The following KLF6 variants were observed in gnomAD, a reference collection of about 807,000 sequenced individuals.
KLF6 encodes the protein Krueppel-like factor 6.
For synonymous variants in KLF6, 152 were observed against 147.9 expected (o/e 1.03, Z -0.20); for missense variants, 233 against 359.8 (o/e 0.65, Z 2.85).
At chr10:3,783,575 C>A (rs1588345312) in intron 1 of KLF6, among the ~76,000 whole-genome samples, 1 of 152,210 alleles carries the variant, frequency 6.6e-6, no homozygotes. Flanking sequence ...AGCAAGCACA[C>A]GGGAGAATCA....
chr10:3,781,505 T>C lies in KLF6; in HGVS notation c.676+136A>G. 1 of 1,552,380 alleles carries C rather than the reference T, an allele frequency of 6.4e-7. No individual in the cohort carries two copies. The highest frequency in any genetic ancestry group is 1.2e-5 in the South Asian group (1 of 84,410). ...ACTCCAAAAAGACCTAATGCTTTGG[T>C]GGAAAACATCTGAGGAAGTGAGGAT... On this transcript the variant is annotated intron_variant, in intron 2 of 3. Coordinates refer to ENST00000497571, the MANE Select transcript of KLF6 (RefSeq NM_001300.6). The surrounding 1 kb of genome is among the most constrained non-coding windows in gnomAD (Gnocchi z 5.8).
rs186409969 is a variant in KLF6 at position 3,780,159 on chromosome 10, C to T, written c.747G>A (p.Arg249=). 4.3e-5 allele frequency: 69 copies of T among 1,614,126 alleles called. 3 individuals carry two copies. In the Middle Eastern group the frequency reaches 8.2e-4, roughly 19 times the overall value. Residue 249 remains arginine, a synonymous_variant, in exon 3 of 4, where the codon AGG becomes AGA. Coordinates refer to ENST00000497571, the MANE Select transcript of KLF6 (RefSeq NM_001300.6). The surrounding 1 kb of genome is among the most constrained non-coding windows in gnomAD (Gnocchi z 4.6). ...TGGCCCCGGTGTGCTTTCGGAAGTG[C>T]CTGGTTAACTCATCACTTCTTGCAA... The part of the protein sequence containing the change: ...WRFARSDELT[R]HFRKHTGAKP...
At position 3,781,422 on chromosome 10, in the gene KLF6, T is replaced by G; in HGVS notation, c.676+219A>C. 6.6e-7 allele frequency: 1 copy of G among 1,508,326 alleles called. No individual in the cohort carries two copies. The highest frequency in any genetic ancestry group is 1.3e-5 in the South Asian group (1 of 79,408). 93.4% of individuals were successfully genotyped at this position (1,508,326 alleles called of 1,614,324 possible). A position where few individuals can be genotyped will look rare whatever the true frequency, so the allele number is the denominator to read the frequency against. ...GATCTAGTCTCTTGTTTGTTTAATC[T>G]GAAAATTGTTACACATTTATCCAAC... is the stretch of plus-strand genomic sequence containing the variant. On this transcript the variant is annotated intron_variant, in intron 2 of 3. Transcript: ENST00000497571. This position sits in a 1 kb window ranked among gnomAD's most constrained non-coding sequence, Gnocchi z 5.8.
Position 3,779,081 on chromosome 10 carries a change from C to A in KLF6, c.*458G>T, listed in dbSNP as rs1244037327. On this transcript the variant is annotated 3_prime_UTR_variant, in exon 4 of 4. Coordinates refer to ENST00000497571, the MANE Select transcript of KLF6 (RefSeq NM_001300.6). ...CTTTTTTTTTCTAAGGTGCAGACAC[C>A]CCCTCCCCCCAAGGAAATGATTGGT... 10 of 535,412 alleles carry A rather than the reference C, an allele frequency of 1.9e-5. No homozygotes were observed. Among genetic ancestry groups the A allele is most frequent in the South Asian group, 1.5e-5 (1 of 65,160 alleles). 33.2% of individuals were successfully genotyped at this position (535,412 alleles called of 1,614,324 possible).
chr10:3,785,036 C>A lies in KLF6; in HGVS notation c.-22G>T. The stretch of plus-strand genomic sequence containing the variant: ...CCATGTCGGGCCGGGTTGGACGGAG[C>A]CCGCGGTCGCGAGGGCGGCGAGGCG... On this transcript the variant is annotated 5_prime_UTR_variant, in exon 1 of 4. Coordinates refer to ENST00000497571, the MANE Select transcript of KLF6 (RefSeq NM_001300.6). The A allele has an allele frequency of 1.9e-6, 3 of 1,610,818 alleles. No homozygotes were observed. Among genetic ancestry groups the A allele is most frequent in the South Asian group, 2.2e-5 (2 of 90,876 alleles).
rs1255556895 is a variant in KLF6, at chr10:3,779,156, C to T, written c.*383G>A. 1.8e-6 allele frequency: 1 copy of T among 542,950 alleles called. No individual in the cohort carries two copies. Among genetic ancestry groups the T allele is most frequent in the East Asian group, 3.8e-5 (1 of 25,990 alleles). The allele number at this position is 542,950 out of a possible 1,614,324, so 33.6% of individuals were successfully genotyped here. A position where few individuals can be genotyped will look rare whatever the true frequency, so the allele number is the denominator to read the frequency against. ...CCTTACACACAAAACATTCAAACTA[C>T]TTTTTTTCCATCTCTTGCAGTCTTG... On this transcript the variant is annotated 3_prime_UTR_variant, in exon 4 of 4. Coordinates refer to ENST00000497571, the MANE Select transcript of KLF6 (RefSeq NM_001300.6).
chr10:3,781,583 G>A lies in KLF6; in HGVS notation c.676+58C>T. The A allele has an allele frequency of 6.2e-7, 1 of 1,600,920 alleles. No individual in the cohort carries two copies. The highest frequency in any genetic ancestry group is 8.5e-7 in the Non-Finnish European group (1 of 1,173,830). On this transcript the variant is annotated intron_variant, in intron 2 of 3. Coordinates refer to ENST00000497571, the MANE Select transcript of KLF6 (RefSeq NM_001300.6). This position sits in a 1 kb window ranked among gnomAD's most constrained non-coding sequence, Gnocchi z 5.8. ...GCCAGGCCCGGCTCCCTCCAGGGCT[G>A]GTGCAATGCAGTGGCGCCCACCAGC...
Position 3,782,474 on chromosome 10 carries a change from A to G in KLF6, c.103-260T>C, listed in dbSNP as rs536898030. Among the ~76,000 whole-genome samples, 55 of 152,248 alleles carry G rather than the reference A, an allele frequency of 3.6e-4. No homozygotes were observed. The highest frequency in any genetic ancestry group is 6.8e-4 in the Non-Finnish European group (46 of 68,048). ...TTCCCAATGTTGGGCCAAGGGCCAC[A>G]ATGAGTGATGATCACTAAGCCGGTT... On this transcript the variant is annotated intron_variant, in intron 1 of 3. Transcript: ENST00000497571. This position sits in a 1 kb window ranked among gnomAD's most constrained non-coding sequence, Gnocchi z 4.3.
chr10:3,778,860 C>T lies in KLF6; in HGVS notation c.*679G>A, dbSNP rs773694827. ...GGGTTACAAATGAGCTATGTTGTAG[C>T]GTGTAAAACAAGCTACTTGACACAT... On this transcript the variant is annotated 3_prime_UTR_variant, in exon 4 of 4. Coordinates refer to ENST00000497571, the MANE Select transcript of KLF6 (RefSeq NM_001300.6). 1.1e-5 allele frequency: 6 copies of T among 533,492 alleles called. No homozygotes were observed. The East Asian group carries it at 1.9e-4, about 17-fold the overall frequency. 33.0% of individuals were successfully genotyped at this position (533,492 alleles called of 1,614,324 possible).
rs542974540 is a variant in KLF6 at position 3,783,039 on chromosome 10, A to G, written c.103-825T>C. ...CCCTGCTGGGAGTCCCACAATGAAC[A>G]AGAACTTTATCTACTGGCCAAGAGT... On this transcript the variant is annotated intron_variant, in intron 1 of 3. Transcript: ENST00000497571. 3.3e-5 allele frequency among the ~76,000 whole-genome samples: 5 copies of G among 152,322 alleles called. No individual in the cohort carries two copies. In the South Asian group the frequency reaches 1.0e-3, roughly 32 times the overall value.
At position 3,780,726 on chromosome 10, in the gene KLF6, A is replaced by T. The variant is rs150165394; in HGVS notation, c.677-497T>A. 5.2e-5 allele frequency: 11 copies of T among 212,620 alleles called. No individual in the cohort carries two copies. Among genetic ancestry groups the T allele is most frequent in the Middle Eastern group, 4.0e-3 (2 of 498 alleles). The allele number at this position is 212,620 out of a possible 1,614,324, so 13.2% of individuals were successfully genotyped here. A position where few individuals can be genotyped will look rare whatever the true frequency, so the allele number is the denominator to read the frequency against. On this transcript the variant is annotated intron_variant, in intron 2 of 3. Coordinates refer to ENST00000497571, the MANE Select transcript of KLF6 (RefSeq NM_001300.6). This position sits in a 1 kb window ranked among gnomAD's most constrained non-coding sequence, Gnocchi z 4.6. ...GAAAGCCCCAGTACAGGGCCCCGGAATCATTCTCTAAATGGCAATTGAACA... is the reference window on the plus strand; with the variant it reads ...GAAAGCCCCAGTACAGGGCCCCGGATTCATTCTCTAAATGGCAATTGAACA...
rs545867453 is a variant in KLF6, at chr10:3,780,883, G to C, written c.677-654C>G. On this transcript the variant is annotated intron_variant, in intron 2 of 3. Transcript: ENST00000497571. This position sits in a 1 kb window ranked among gnomAD's most constrained non-coding sequence, Gnocchi z 4.6. ...CCTGGGCCTGGATATTGGGCCACCC[G>C]GATCTCAATCTCAGCTGTCACCAAG... The C allele has an allele frequency of 6.0e-6, 1 of 167,974 alleles. No individual in the cohort carries two copies. The highest frequency in any genetic ancestry group is 5.5e-5 in the Admixed American group (1 of 18,166). 10.4% of individuals were successfully genotyped at this position (167,974 alleles called of 1,614,324 possible).
At position 3,782,993 on chromosome 10, in the gene KLF6, C is replaced by A. The variant is rs1832565599; in HGVS notation, c.103-779G>T. On this transcript the variant is annotated intron_variant, in intron 1 of 3. Transcript: ENST00000497571. The surrounding 1 kb of genome is among the most constrained non-coding windows in gnomAD (Gnocchi z 4.3). Reference sequence around the variant, plus strand: ...TGGCCATCTGCTATTGTGAAGGGTGCAAGGGGAAATTACTCCACGGCCCTG... The same window carrying A: ...TGGCCATCTGCTATTGTGAAGGGTGAAAGGGGAAATTACTCCACGGCCCTG... 6.6e-6 allele frequency among the ~76,000 whole-genome samples: 1 copy of A among 152,196 alleles called. No individual in the cohort carries two copies. Among genetic ancestry groups the A allele is most frequent in the African/African-American group, 2.4e-5 (1 of 41,428 alleles).
Position 3,784,297 on chromosome 10 carries a change from G to A in KLF6, c.102+616C>T, listed in dbSNP as rs891920798. ...TCCAAACTAAGACTTGAAGCAGTTT[G>A]GACGGGCTCATTGTCACAAGACTGA... On this transcript the variant is annotated intron_variant, in intron 1 of 3. Transcript: ENST00000497571. Among the ~76,000 whole-genome samples, 12 of 152,292 alleles carry A rather than the reference G, an allele frequency of 7.9e-5. No individual in the cohort carries two copies. In the South Asian group the frequency reaches 2.5e-3, roughly 32 times the overall value.
At position 3,781,123 on chromosome 10, in the gene KLF6, T is replaced by C. The variant is rs186525702; in HGVS notation, c.676+518A>G. 4.6e-6 allele frequency: 1 copy of C among 215,944 alleles called. No homozygotes were observed. The highest frequency in any genetic ancestry group is 9.2e-6 in the Non-Finnish European group (1 of 109,050). The allele number at this position is 215,944 out of a possible 1,614,324, so 13.4% of individuals were successfully genotyped here. A position where few individuals can be genotyped will look rare whatever the true frequency, so the allele number is the denominator to read the frequency against. ...AGCGGTATCAGAAACAAAGGCTGCA[T>C]GAGACACGGAGAAGTTCTCAGGAAA... On this transcript the variant is annotated intron_variant, in intron 2 of 3. Coordinates refer to ENST00000497571, the MANE Select transcript of KLF6 (RefSeq NM_001300.6). This position sits in a 1 kb window ranked among gnomAD's most constrained non-coding sequence, Gnocchi z 5.8.
chr10:3,780,773 G>C lies in KLF6; in HGVS notation c.677-544C>G, dbSNP rs1199687185. 5.4e-6 allele frequency: 1 copy of C among 185,404 alleles called. No homozygotes were observed. The highest frequency in any genetic ancestry group is 1.2e-5 in the Non-Finnish European group (1 of 85,858). The allele number at this position is 185,404 out of a possible 1,614,324, so 11.5% of individuals were successfully genotyped here. ...AACAACTGGGTTCACTTCATTCCTTGGTCAAATCATAAATATGAATTTACT... is the reference window on the plus strand; with the variant it reads ...AACAACTGGGTTCACTTCATTCCTTCGTCAAATCATAAATATGAATTTACT... On this transcript the variant is annotated intron_variant, in intron 2 of 3. Coordinates refer to ENST00000497571, the MANE Select transcript of KLF6 (RefSeq NM_001300.6). The surrounding 1 kb of genome is among the most constrained non-coding windows in gnomAD (Gnocchi z 4.6).
In KLF6 at chr10:3,780,848, T is replaced by C. The variant is rs1390622549; in HGVS notation, c.677-619A>G. 1.7e-5 allele frequency: 3 copies of C among 177,696 alleles called. No homozygotes were observed. Among genetic ancestry groups the C allele is most frequent in the Non-Finnish European group, 2.5e-5 (2 of 81,518 alleles). 11.0% of individuals were successfully genotyped at this position (177,696 alleles called of 1,614,324 possible). On this transcript the variant is annotated intron_variant, in intron 2 of 3. Transcript: ENST00000497571. This position sits in a 1 kb window ranked among gnomAD's most constrained non-coding sequence, Gnocchi z 4.6. ...GTTGTCAAGCCAATCTCAGGGTATG[T>C]TGAGACAGGCCTGGGCCTGGATATT...
In KLF6 at chr10:3,781,271, A is replaced by G. The variant is rs919792975; in HGVS notation, c.676+370T>C. 42 of 682,940 alleles carry G rather than the reference A, an allele frequency of 6.1e-5. No homozygotes were observed. In the East Asian group the frequency reaches 1.1e-3, roughly 18 times the overall value. 42.3% of individuals were successfully genotyped at this position (682,940 alleles called of 1,614,324 possible). On this transcript the variant is annotated intron_variant, in intron 2 of 3. Coordinates refer to ENST00000497571, the MANE Select transcript of KLF6 (RefSeq NM_001300.6). The surrounding 1 kb of genome is among the most constrained non-coding windows in gnomAD (Gnocchi z 5.8). ...CCCTCTGTCCTGACCCTTGAGTTTC[A>G]TTTAGGAAACCCCAGGGCCGCTCGA...
At position 3,777,382 on chromosome 10, in the gene KLF6, A is replaced by C. The variant is rs1832412699; in HGVS notation, c.*2157T>G. ...TTCATCTGCATAAAAAGTGTTCTAC[A>C]AAAGAATCCCTGTGGTTAGCTTACT... On this transcript the variant is annotated 3_prime_UTR_variant, in exon 4 of 4. Coordinates refer to ENST00000497571, the MANE Select transcript of KLF6 (RefSeq NM_001300.6). The C allele has an allele frequency of 1.9e-6, 1 of 513,022 alleles. No individual in the cohort carries two copies. Among genetic ancestry groups the C allele is most frequent in the South Asian group, 1.5e-5 (1 of 64,988 alleles). 31.8% of individuals were successfully genotyped at this position (513,022 alleles called of 1,614,324 possible).
Sources: allele counts gnomAD v4.1 joint callset (sites outside exome capture counted in the v4.1 genomes callset), GRCh38; gene constraint gnomAD v4.1.1; non-coding constraint Gnocchi (gnomAD v3.1); transcripts MANE v1.5; gene names NCBI Gene and HGNC (gene_info 2026-07-23, HGNC 2026-07-21).